The following ACBD6 variants were observed in gnomAD, a reference collection of about 807,000 sequenced individuals.
The protein encoded by ACBD6 is acyl-CoA-binding domain-containing protein 6.
A neutral mutation model predicts 37.2 loss-of-function variants in ACBD6; 28 were observed. The ratio of observed to expected loss-of-function variants is 0.75; its 90% CI spans 0.56 to 1.03. ACBD6 has a LOEUF of 1.03. Among genes scored for constraint, ACBD6 ranks in the 50% least tolerant of loss-of-function variants. The pLI is 0.00. For missense variants in ACBD6, 340 were observed against 337.4 expected (o/e 1.01, Z -0.06); for synonymous variants, 113 against 126.8 (o/e 0.89, Z 0.73).
chr1:180,428,332 T>C (rs1427523182), intron 4 of ACBD6, among the ~76,000 whole-genome samples: 1 of 150,224 alleles, frequency 6.7e-6, no homozygotes, highest in African/African-American at 2.5e-5. Flanking sequence ...AGTGAAGAAG[T>C]TGAGAAGCAC....
intron 3 of ACBD6, among the ~76,000 whole-genome samples, chr1:180,469,531 T>A (rs989588935): frequency 6.6e-6 from 1 of 152,192 alleles, no homozygotes; most frequent in African/African-American, 2.4e-5. Context: ...TCAACTTGGT[T>A]AATAAAATCT....
At chr1:180,350,352 C>A (rs1235220676) in intron 6 of ACBD6, among the ~76,000 whole-genome samples, 2 of 152,098 alleles carry the variant, frequency 1.3e-5, no homozygotes, top group Admixed American at 1.3e-4. Flanking sequence ...ATTCTGATTT[C>A]TTCCCAGCAT....
At chr1:180,367,207 A>G (rs1653084590) in intron 6 of ACBD6, among the ~76,000 whole-genome samples, 1 of 152,204 alleles carries the variant, frequency 6.6e-6, no homozygotes, top group African/African-American at 2.4e-5. Flanking sequence ...TTGTTAGCCC[A>G]GAAACTCTGC....
chr1:180,374,805 G>C (rs932248270), intron 6 of ACBD6, among the ~76,000 whole-genome samples: 1 of 151,996 alleles, frequency 6.6e-6, no homozygotes, highest in Non-Finnish European at 1.5e-5. Context: ...TTATATTGAA[G>C]TATAGAAATT....
At chr1:180,455,162 C>T (rs1160496381) in intron 3 of ACBD6, among the ~76,000 whole-genome samples, 1 of 152,120 alleles carries the variant, frequency 6.6e-6, no homozygotes, top group Non-Finnish European at 1.5e-5. Context: ...AAATGTGGCA[C>T]ATATACACCA....
intron 3 of ACBD6, chr1:180,435,571 A>G: frequency 1.9e-6 from 2 of 1,026,524 alleles, no homozygotes; most frequent in South Asian, 1.4e-5. Flanking sequence ...TTGAGACTGC[A>G]AAGTCCCGAG....
intron 6 of ACBD6, among the ~76,000 whole-genome samples, chr1:180,350,988 A>G (rs1652393540): frequency 6.6e-6 from 1 of 152,182 alleles, no homozygotes; most frequent in South Asian, 2.1e-4. Flanking sequence ...ATTTAATAAA[A>G]TATTTGAGTT....
chr1:180,322,403 T>A (rs1651107752), intron 6 of ACBD6, among the ~76,000 whole-genome samples: 1 of 152,086 alleles, frequency 6.6e-6, no homozygotes, highest in Non-Finnish European at 1.5e-5. Context: ...CCTCCTCAAT[T>A]TTTTTGGAAT....
intron 9 of ACBD6, chr1:180,275,761 G>GCAT (rs1298986769): frequency 1.3e-5 from 2 of 152,234 alleles, no homozygotes; most frequent in Non-Finnish European, 2.9e-5. Flanking sequence ...TTCTTGGGCT[G>GCAT]CATCTCTCTG....
At chr1:180,290,077 T>G (rs780589273) in intron 7 of ACBD6, among the ~76,000 whole-genome samples, 8 of 152,338 alleles carry the variant, frequency 5.3e-5, no homozygotes, top group Non-Finnish European at 7.3e-5. Context: ...TTTGTTTAAA[T>G]TCTTCATATA....
At chr1:180,289,248 G>A (rs1415258818) in intron 7 of ACBD6, among the ~76,000 whole-genome samples, 1 of 152,156 alleles carries the variant, frequency 6.6e-6, no homozygotes, top group Non-Finnish European at 1.5e-5. Flanking sequence ...TGGCAGATCA[G>A]TGGGGAAATA....
At chr1:180,278,786 T>C (rs1023657401) in intron 9 of ACBD6, 2 of 150,962 alleles carry the variant, frequency 1.3e-5, no homozygotes, top group African/African-American at 4.9e-5. Flanking sequence ...GTAAATTTTG[T>C]ACAGTTAAAG....
intron 6 of ACBD6, among the ~76,000 whole-genome samples, chr1:180,327,402 G>T (rs1207606883): frequency 6.6e-6 from 1 of 152,128 alleles, no homozygotes; most frequent in South Asian, 2.1e-4. Flanking sequence ...ATTGAGAAGG[G>T]GTGGTGTCAG....
intron 6 of ACBD6, among the ~76,000 whole-genome samples, chr1:180,321,861 ATTTC>A (rs1430962756): frequency 1.3e-5 from 2 of 151,994 alleles, no homozygotes; most frequent in African/African-American, 4.8e-5. Context: ...GATGCCCTTT[ATTTC>A]TTTTTCTTGT....
chr1:180,288,210 G>T, downstream of ACBD6: 1 of 1,022,390 alleles, frequency 9.8e-7, no homozygotes, highest in Non-Finnish European at 1.5e-6. Flanking sequence ...CAAGAAGAAT[G>T]AATTGCTGAG....
intron 3 of ACBD6, among the ~76,000 whole-genome samples, chr1:180,437,221 GA>G (rs1649076578): frequency 1.3e-5 from 2 of 152,128 alleles, no homozygotes; most frequent in African/African-American, 4.8e-5. Context: ...AGCCACTCCA[GA>G]ACTCAGTTGA....
In ACBD6 at chr1:180,498,750, C is replaced by G. The variant is rs1005842508; in HGVS notation, c.223-3225G>C. Reference sequence around the variant, plus strand: ...GCAGACACCTGTAATCACAGCTACTCGGGAAGCTGAGGCAAGAGAATAGCT... The same window carrying G: ...GCAGACACCTGTAATCACAGCTACTGGGGAAGCTGAGGCAAGAGAATAGCT... On this transcript the variant is annotated intron_variant, in intron 1 of 7. Transcript: ENST00000367595. Among the ~76,000 whole-genome samples, 6 of 151,592 alleles carry G rather than the reference C, an allele frequency of 4.0e-5. No individual in the cohort carries two copies. The South Asian group carries it at 1.0e-3, about 26-fold the overall frequency.
chr1:180,492,968 G>A (rs970058029), intron 2 of ACBD6, among the ~76,000 whole-genome samples: 1 of 152,054 alleles, frequency 6.6e-6, no homozygotes, highest in Non-Finnish European at 1.5e-5. Context: ...AAGAATACTG[G>A]CCAGGCTTGG....
chr1:180,454,903 C>CA (rs1429997633), intron 3 of ACBD6, among the ~76,000 whole-genome samples: 1 of 152,166 alleles, frequency 6.6e-6, no homozygotes, highest in African/African-American at 2.4e-5. Context: ...GAAATAGGAA[C>CA]ACTTTTACAC....
Sources: gnomAD v4.1 joint callset for allele counts (sites outside exome capture counted in the v4.1 genomes callset) on GRCh38, gnomAD v4.1.1 for gene constraint, MANE v1.5 for transcripts, NCBI Gene and HGNC (gene_info 2026-07-23, HGNC 2026-07-21) for gene names.